The following NPIPA5 variants were observed in gnomAD, a reference collection of about 807,000 sequenced individuals.
The protein encoded by NPIPA5 is nuclear pore complex-interacting protein family member A5.
In NPIPA5, 6 loss-of-function variants were observed where a neutral mutation model predicts 21.4. The ratio of observed to expected loss-of-function variants is 0.28; its 90% confidence interval spans 0.15 to 0.55. The LOEUF is 0.55. Among genes scored for constraint, NPIPA5 ranks in the 20% least tolerant of loss-of-function variants. NPIPA5 has a pLI of 0.93. For synonymous variants in NPIPA5, 33 were observed against 115.3 expected (o/e 0.29, Z 4.57); for missense variants, 99 against 318.2 (o/e 0.31, Z 5.24).
Position 15,373,819 on chromosome 16 carries a change from G to A in NPIPA5, c.88C>T (p.Arg30Cys). 2 of 64,000 alleles carry A rather than the reference G, an allele frequency of 3.1e-5. No individual in the cohort carries two copies. The highest frequency in any genetic ancestry group is 5.2e-5 in the Non-Finnish European group (2 of 38,606). 4.0% of individuals were successfully genotyped at this position (64,000 alleles called of 1,614,324 possible). A position where few individuals can be genotyped will look rare whatever the true frequency, so the allele number is the denominator to read the frequency against. Residue 30 changes from arginine (R) to cysteine (C), a missense_variant, in exon 2 of 8, where the codon CGT becomes TGT. Around this residue, in one of 5 missense-constraint regions of NPIPA5, gnomAD observed 0 missense variants for 51.3 expected, o/e 0.00. Coordinates refer to ENST00000360151, the MANE Select transcript of NPIPA5 (RefSeq NM_001277325.2). ...CCACCAAAGTCAGTCCCACGATGACGATGGTCAGCCAGAGTATTGATAACC... is the reference window on the plus strand; with the variant it reads ...CCACCAAAGTCAGTCCCACGATGACAATGGTCAGCCAGAGTATTGATAACC... Reference protein sequence around the residue: ...AWVINTLADHRHRGTDFGGSP... With the variant: ...AWVINTLADHCHRGTDFGGSP...
At position 15,372,559 on chromosome 16, in the gene NPIPA5, T is replaced by C. The variant is rs1173275584; in HGVS notation, c.192+1156A>G. On this transcript the variant is annotated intron_variant, in intron 2 of 7. Coordinates refer to ENST00000360151, the MANE Select transcript of NPIPA5 (RefSeq NM_001277325.2). ...ATTCTCTGTTCAGGACTAAGTGGCA[T>C]AGAGAATGTTAAATGTGCCTAGATA... Among the ~76,000 whole-genome samples the C allele has an allele frequency of 2.7e-5, 4 of 145,878 alleles. 1 individual carries two copies. The highest frequency in any genetic ancestry group is 3.0e-5 in the Non-Finnish European group (2 of 66,326).
At chr16:15,368,131 A>G (rs2050027757) in intron 4 of NPIPA5, among the ~76,000 whole-genome samples, 1 of 129,388 alleles carries the variant, frequency 7.7e-6, no homozygotes, top group East Asian at 2.3e-4. Flanking sequence ...TGAATTCCAG[A>G]AGGAACTACT....
chr16:15,379,539 C>T (rs1480583987), upstream of NPIPA5, among the ~76,000 whole-genome samples: 6 of 151,860 alleles, frequency 4.0e-5, no homozygotes, highest in African/African-American at 1.2e-4. Context: ...TGCACTCCAG[C>T]CTAGGCGACA....
At chr16:15,369,143 C>G (rs897347914) in intron 4 of NPIPA5, among the ~76,000 whole-genome samples, 2 of 145,890 alleles carry the variant, frequency 1.4e-5, no homozygotes, top group Non-Finnish European at 1.5e-5. Flanking sequence ...CAGAGCGAGA[C>G]TCTATCTCAA....
At chr16:15,377,645 GAGGGGA>G (rs1220602421) in intron 1 of NPIPA5, among the ~76,000 whole-genome samples, 31 of 114,800 alleles carry the variant, frequency 2.7e-4, no homozygotes, top group African/African-American at 8.4e-4. Context: ...AGGGGAGGGG[GAGGGGA>G]AGGGGAAGGG....
chr16:15,377,607 CG>C (rs1420641544), intron 1 of NPIPA5, among the ~76,000 whole-genome samples: 33 of 113,814 alleles, frequency 2.9e-4, no homozygotes, highest in East Asian at 6.1e-4. Context: ...GGACGGGGAC[CG>C]GGGCCGGATC....
At chr16:15,379,359 G>A (rs929070229), upstream of NPIPA5, among the ~76,000 whole-genome samples, 2 of 151,804 alleles carry the variant, frequency 1.3e-5, no homozygotes, top group African/African-American at 4.8e-5. Flanking sequence ...CACAAGGTCA[G>A]GAGTTCCAGA....
chr16:15,369,175 C>T (rs370854476), intron 4 of NPIPA5, among the ~76,000 whole-genome samples: 1 of 146,018 alleles, frequency 6.8e-6, no homozygotes, highest in Non-Finnish European at 1.5e-5. Context: ...AAAAAAAAAG[C>T]CTGGGTGTGG....
intron 4 of NPIPA5, among the ~76,000 whole-genome samples, chr16:15,368,349 A>C (rs2050036678): frequency 6.6e-6 from 1 of 152,054 alleles, no homozygotes; most frequent in Admixed American, 6.6e-5. Context: ...CCTCAATTGC[A>C]GCCTGTATGG....
intron 4 of NPIPA5, among the ~76,000 whole-genome samples, chr16:15,368,467 A>G (rs1231045262): frequency 1.3e-5 from 2 of 152,040 alleles, no homozygotes; most frequent in Admixed American, 6.6e-5. Context: ...AGTATCTCAC[A>G]TTTAACAAAA....
At chr16:15,376,917 T>C (rs2050312321) in intron 1 of NPIPA5, among the ~76,000 whole-genome samples, 3 of 152,044 alleles carry the variant, frequency 2.0e-5, no homozygotes, top group Non-Finnish European at 4.4e-5. Context: ...GAGGTTGCAG[T>C]GAGCCGAGAT....
At chr16:15,372,075 C>T (rs1286170875) in intron 2 of NPIPA5, among the ~76,000 whole-genome samples, 3 of 148,710 alleles carry the variant, frequency 2.0e-5, no homozygotes, top group Admixed American at 1.4e-4. Flanking sequence ...CCCATGATGT[C>T]CCTGCTTAGG....
intron 4 of NPIPA5, 92 bp from the exon 5 acceptor site, chr16:15,366,852 C>G: frequency 2.0e-6 from 3 of 1,523,800 alleles, no homozygotes; most frequent in African/African-American, 1.4e-5. Flanking sequence ...ATTCAAAGAT[C>G]CCCCCTGCAA....
In NPIPA5 at chr16:15,363,870, T is replaced by C. The variant is rs1222231985; in HGVS notation, c.842A>G (p.Asn281Ser). 1.2e-6 allele frequency: 2 copies of C among 1,602,518 alleles called. No homozygotes were observed. The highest frequency in any genetic ancestry group is 4.6e-5 in the East Asian group (2 of 43,912). ...CAGACACTCGGGAGGTGTCTTGAGATTATCATCCGCTGAGGGTGGAAGGGG... is the reference window on the plus strand; with the variant it reads ...CAGACACTCGGGAGGTGTCTTGAGACTATCATCCGCTGAGGGTGGAAGGGG... ...LYPLPPSADD[N>S]LKTPPECLLT... The change falls in exon 8 of 8, where the codon AAT (asparagine) becomes AGT (serine). Residue 281 changes from asparagine (N) to serine (S), a missense_variant. Physicochemically the swap from Asn to Ser is conservative, Grantham distance 46. Transcript: ENST00000360151.
intron 2 of NPIPA5, among the ~76,000 whole-genome samples, chr16:15,370,667 C>G (rs1261960999): frequency 1.4e-5 from 2 of 140,428 alleles, no homozygotes; most frequent in East Asian, 4.4e-4. Context: ...AGGAGAATCA[C>G]TTGAACCCAG....
chr16:15,381,443 T>C (rs2050432205), upstream of NPIPA5: 2 of 950,194 alleles, frequency 2.1e-6, no homozygotes, highest in Non-Finnish European at 2.5e-6. Context: ...AAAAAGAAAA[T>C]GTTAAGTCTA....
intron 4 of NPIPA5, among the ~76,000 whole-genome samples, chr16:15,367,238 C>T (rs1655208372): frequency 6.6e-6 from 1 of 152,120 alleles, no homozygotes; most frequent in African/African-American, 2.4e-5. Context: ...GAACTGAGAC[C>T]ATCAGCCATA....
chr16:15,369,477 GA>G (rs1216582284), intron 4 of NPIPA5, among the ~76,000 whole-genome samples: 1 of 151,510 alleles, frequency 6.6e-6, no homozygotes, highest in Non-Finnish European at 1.5e-5. Context: ...AGAGAGAAAG[GA>G]AAACCAATGC....
Position 15,363,978 on chromosome 16 carries a change from T to C in NPIPA5, c.734A>G (p.His245Arg), listed in dbSNP as rs757797717. Residue 245 changes from histidine (H) to arginine (R), a missense_variant, in exon 8 of 8, where the codon CAC becomes CGC. Coordinates refer to ENST00000360151, the MANE Select transcript of NPIPA5 (RefSeq NM_001277325.2). ...TAETLKNRMG[H>R]QPPPPTQQHS... ...TTGTTGAGTTGGAGGAGGTGGCTGG[T>C]GGCCCATCCTGTTTTTTAAAGTTTC... is the stretch of plus-strand genomic sequence containing the variant. The C allele has an allele frequency of 1.8e-5, 28 of 1,588,668 alleles. No homozygotes were observed. In the African/African-American group the frequency reaches 3.2e-4, roughly 18 times the overall value.
Sources: allele counts gnomAD v4.1 joint callset (sites outside exome capture counted in the v4.1 genomes callset), GRCh38; gene constraint gnomAD v4.1.1; regional missense constraint gnomAD v4.1.1; transcripts MANE v1.5; gene names NCBI Gene and HGNC (gene_info 2026-07-23, HGNC 2026-07-21).